The following PRKDC variants were observed in gnomAD, a reference collection of about 807,000 sequenced individuals.
The protein encoded by PRKDC is DNA-dependent protein kinase catalytic subunit.
Under a neutral mutation model 486.9 loss-of-function variants are expected in PRKDC, and 82 were observed. That is an observed-to-expected ratio of 0.17 (90% CI 0.14 to 0.20). The LOEUF is 0.20. Among genes scored for constraint, PRKDC ranks in the 10% least tolerant of loss-of-function variants. The pLI is 1.00. For synonymous variants in PRKDC, 1,895 were observed against 1,837.0 expected (o/e 1.03, Z -0.81); for missense variants, 4,504 against 5,038.2 (o/e 0.89, Z 3.21).
intron 67 of PRKDC, among the ~76,000 whole-genome samples, 163 bp downstream of exon 67, chr8:47,819,239 A>G (rs1251836132): frequency 4.6e-5 from 7 of 152,132 alleles, no homozygotes; most frequent in Non-Finnish European, 4.4e-5. Flanking sequence ...CATTTTAAAC[A>G]TTTATTTCAA....
At chr8:47,879,390 T>A (rs2089158914) in intron 39 of PRKDC, 101 bp downstream of exon 39, 1 of 1,139,112 alleles carries the variant, frequency 8.8e-7, no homozygotes, top group Non-Finnish European at 1.2e-6. Context: ...GGTTTACAAC[T>A]TCTCTGATTG....
Position 47,852,326 on chromosome 8 carries a change from G to A in PRKDC, c.7005+347C>T, listed in dbSNP as rs572967441. ...CAAGGGGAGGAATGGACTGGGGGAG[G>A]ACAGCAGCTATCTACCAGGACAATT... On this transcript the variant is annotated intron_variant, in intron 52 of 85. Transcript: ENST00000314191. Among the ~76,000 whole-genome samples the A allele has an allele frequency of 2.6e-4, 39 of 152,252 alleles. No individual in the cohort carries two copies. The South Asian group carries it at 7.1e-3, about 28-fold the overall frequency.
At chr8:47,795,705 C>A (rs529826680) in intron 73 of PRKDC, among the ~76,000 whole-genome samples, 6 of 150,966 alleles carry the variant, frequency 4.0e-5, no homozygotes, top group Non-Finnish European at 5.9e-5. Flanking sequence ...GTTGGCCAGA[C>A]TGGTCTTGAA....
At chr8:47,775,980 T>C (rs1021381507) in intron 85 of PRKDC, among the ~76,000 whole-genome samples, 10 of 152,018 alleles carry the variant, frequency 6.6e-5, no homozygotes, top group African/African-American at 1.4e-4. Context: ...CGCACCACCA[T>C]GCCCAGCTAA....
At position 47,776,968 on chromosome 8, in the gene PRKDC, T is replaced by C; in HGVS notation, c.12058A>G (p.Met4020Val). The C allele has an allele frequency of 6.2e-7, 1 of 1,609,596 alleles. No individual in the cohort carries two copies. The highest frequency in any genetic ancestry group is 8.5e-7 in the Non-Finnish European group (1 of 1,178,958). ...SFDWKNFEQK[M>V]LKKGGSWIQE... ...ATCCATGACCCTCCTTTTTTCAGCA[T>C]TTTCTGTTCAAAATTCTAGAAGAAA... is the stretch of plus-strand genomic sequence containing the variant. Residue 4020 changes from methionine to valine, a missense_variant, in exon 85 of 86, where the codon ATG becomes GTG. Physicochemically the swap from Met to Val is conservative, Grantham distance 21. This residue lies in a region of PRKDC where 706 missense variants were observed against 945.0 expected (regional missense o/e 0.75). Coordinates refer to ENST00000314191, the MANE Select transcript of PRKDC (RefSeq NM_006904.7).
rs1295105211 is a variant in PRKDC at position 47,864,544 on chromosome 8, GGC to G, written c.5571+10_5571+11del. The G allele has an allele frequency of 6.3e-7, 1 of 1,597,012 alleles. No individual in the cohort carries two copies. Among genetic ancestry groups the G allele is most frequent in the Non-Finnish European group, 8.5e-7 (1 of 1,171,826 alleles). On this transcript the variant is annotated intron_variant, in intron 41 of 85. Transcript: ENST00000314191. ...TGCTCACTTCTTATTACTGATTTAA[GGC>G]GTATGATACCTTTGTAAACCTGGAC...
At chr8:47,946,241 G>C (rs988472526) in intron 7 of PRKDC, among the ~76,000 whole-genome samples, 2 of 151,938 alleles carry the variant, frequency 1.3e-5, no homozygotes, top group Non-Finnish European at 2.9e-5. Context: ...TGAGGCATGA[G>C]AATTGCTTGA....
chr8:47,805,739 T>C (rs891435287), intron 69 of PRKDC, among the ~76,000 whole-genome samples: 1 of 152,174 alleles, frequency 6.6e-6, no homozygotes, highest in Non-Finnish European at 1.5e-5. Flanking sequence ...TCATCAGACT[T>C]TGGTCTTCCT....
At chr8:47,950,562 G>A (rs1420139773) in intron 7 of PRKDC, among the ~76,000 whole-genome samples, 1 of 151,194 alleles carries the variant, frequency 6.6e-6, no homozygotes, top group African/African-American at 2.4e-5. Context: ...CCGGAAGGGG[G>A]AGCTTGCAGT....
At chr8:47,815,335 A>G (rs1466392223) in intron 68 of PRKDC, among the ~76,000 whole-genome samples, 1 of 152,228 alleles carries the variant, frequency 6.6e-6, no homozygotes, top group Non-Finnish European at 1.5e-5. Context: ...TCAATTATGA[A>G]AGACTTTTGA....
intron 21 of PRKDC, among the ~76,000 whole-genome samples, chr8:47,920,260 C>G (rs1402559346): frequency 6.6e-6 from 1 of 152,184 alleles, no homozygotes; most frequent in Non-Finnish European, 1.5e-5. Flanking sequence ...TCCTCTAGCG[C>G]TCCTGGGTTA....
At chr8:47,819,373 G>C in intron 67 of PRKDC, 29 bp downstream of exon 67, 3 of 1,316,708 alleles carry the variant, frequency 2.3e-6, no homozygotes, top group Non-Finnish European at 3.1e-6. Flanking sequence ...AATTAGAAAT[G>C]AAAAAAAAAG....
chr8:47,930,636 T>C (rs1339614906), intron 17 of PRKDC, 36 bp downstream of exon 17: 33 of 1,516,414 alleles, frequency 2.2e-5, no homozygotes, highest in Non-Finnish European at 2.8e-5. Context: ...CTAACAATCA[T>C]TTTCATTCTT....
chr8:47,794,937 G>A (rs1316330393), intron 73 of PRKDC, among the ~76,000 whole-genome samples: 2 of 152,106 alleles, frequency 1.3e-5, no homozygotes, highest in East Asian at 3.9e-4. Context: ...TCGCCAGGCT[G>A]GAGTGCAGTG....
chr8:47,869,565 C>A (rs566200407), intron 40 of PRKDC, among the ~76,000 whole-genome samples: 13 of 152,024 alleles, frequency 8.6e-5, no homozygotes, highest in Non-Finnish European at 1.5e-4. Context: ...CAGGGCCACG[C>A]TGGCTTCGAG....
intron 11 of PRKDC, among the ~76,000 whole-genome samples, chr8:47,938,995 A>G (rs1037751802): frequency 1.3e-5 from 2 of 152,198 alleles, no homozygotes; most frequent in Admixed American, 1.3e-4. Flanking sequence ...GAGGGGAAAC[A>G]TGGTGTTTCT....
Position 47,831,913 on chromosome 8 carries a change from C to T in PRKDC, c.8166G>A (p.Arg2722=). 1 of 1,612,560 alleles carries T rather than the reference C, an allele frequency of 6.2e-7. No individual in the cohort carries two copies. ...GTCTGCGCAGTCGTAGTAGGTCCGT[C>T]CGGCCGGCCGCACCTGGAGAGGGAA... ...VDNKVKGAAG[R]TDLLRLRRRF... Residue 2722 remains arginine, a synonymous_variant, in exon 60 of 86, where the codon CGG becomes CGA. Coordinates refer to ENST00000314191, the MANE Select transcript of PRKDC (RefSeq NM_006904.7).
intron 32 of PRKDC, among the ~76,000 whole-genome samples, chr8:47,889,858 G>A (rs921814639): frequency 6.6e-6 from 1 of 152,080 alleles, no homozygotes; most frequent in African/African-American, 2.4e-5. Context: ...AAATTGCTAA[G>A]AAAATAGATT....
At chr8:47,796,541 C>T (rs192367123) in intron 73 of PRKDC, among the ~76,000 whole-genome samples, 1 of 151,974 alleles carries the variant, frequency 6.6e-6, no homozygotes. Flanking sequence ...TGTAGATTGC[C>T]GAAGTCAGCT....
Sources: allele counts gnomAD v4.1 joint callset (sites outside exome capture counted in the v4.1 genomes callset), GRCh38; gene constraint gnomAD v4.1.1; regional missense constraint gnomAD v4.1.1; transcripts MANE v1.5; gene names NCBI Gene and HGNC (gene_info 2026-07-23, HGNC 2026-07-21).